Variants in PDE4D observed in about 807,000 individuals in gnomAD.
PDE4D encodes 3',5'-cyclic-AMP phosphodiesterase 4D.
Under a neutral mutation model 87.4 loss-of-function variants are expected in PDE4D, and 24 were observed. The ratio of observed to expected loss-of-function variants is 0.27; its 90% CI spans 0.20 to 0.39. The LOEUF is 0.39. Among genes scored for constraint, PDE4D ranks in the 10% least tolerant of loss-of-function variants. The pLI is 1.00. For missense variants in PDE4D, 714 were observed against 1,041.0 expected (o/e 0.69, Z 4.32); for synonymous variants, 384 against 383.2 (o/e 1.00, Z -0.02).
chr5:60,001,273 C>T (rs1034480254), intron 2 of PDE4D, among the ~76,000 whole-genome samples: 2 of 152,158 alleles, frequency 1.3e-5, no homozygotes, highest in African/African-American at 2.4e-5. Context: ...GACCGAAAGA[C>T]TGTTTGCTTC....
intron 5 of PDE4D, among the ~76,000 whole-genome samples, chr5:59,041,774 G>A (rs1050821932): frequency 1.3e-5 from 2 of 152,156 alleles, no homozygotes; most frequent in African/African-American, 2.4e-5. Context: ...AAGCTGTTCA[G>A]ACTCAGGCTT....
intron 1 of PDE4D, among the ~76,000 whole-genome samples, chr5:60,501,450 G>C (rs904238154): frequency 6.6e-6 from 1 of 151,674 alleles, no homozygotes; most frequent in Non-Finnish European, 1.5e-5. Flanking sequence ...GAATAGAGCC[G>C]CAATAAACAT....
At chr5:59,979,237 G>T (rs1582014885) in intron 3 of PDE4D, among the ~76,000 whole-genome samples, 1 of 152,036 alleles carries the variant, frequency 6.6e-6, no homozygotes, top group Non-Finnish European at 1.5e-5. Context: ...TAAAGAGGGA[G>T]ACCACCCTTG....
intron 6 of PDE4D, among the ~76,000 whole-genome samples, chr5:59,030,068 A>C (rs1757054442): frequency 6.6e-6 from 1 of 152,186 alleles, no homozygotes; most frequent in African/African-American, 2.4e-5. Context: ...ATAAGACCTG[A>C]AACTGTAAAG....
At chr5:60,364,586 A>G (rs1213345981) in intron 1 of PDE4D, among the ~76,000 whole-genome samples, 1 of 152,224 alleles carries the variant, frequency 6.6e-6, no homozygotes, top group African/African-American at 2.4e-5. Flanking sequence ...TTTCTTACAC[A>G]GAATCAGTAA....
intron 5 of PDE4D, among the ~76,000 whole-genome samples, chr5:59,145,257 T>C (rs867018672): frequency 9.2e-5 from 14 of 152,146 alleles, no homozygotes; most frequent in African/African-American, 2.7e-4. Flanking sequence ...TTTTTCTGAA[T>C]TTACCAAGTA....
At chr5:60,081,815 T>C (rs1773987438) in intron 2 of PDE4D, among the ~76,000 whole-genome samples, 1 of 152,164 alleles carries the variant, frequency 6.6e-6, no homozygotes, top group Admixed American at 6.5e-5. Context: ...AGGTCTGCCA[T>C]TAGTCTGATG....
At chr5:60,159,834 C>T (rs1371331480) in intron 2 of PDE4D, among the ~76,000 whole-genome samples, 1 of 152,196 alleles carries the variant, frequency 6.6e-6, no homozygotes, top group African/African-American at 2.4e-5. Context: ...AGAATTTGTT[C>T]ATGATGTTGG....
At chr5:59,811,606 C>T (rs1033769966) in intron 1 of PDE4D, among the ~76,000 whole-genome samples, 7 of 152,248 alleles carry the variant, frequency 4.6e-5, no homozygotes, top group African/African-American at 1.7e-4. Flanking sequence ...GCAGTCATGT[C>T]CCCAGCCTCT....
At chr5:59,144,957 T>G (rs895334727) in intron 5 of PDE4D, among the ~76,000 whole-genome samples, 7 of 151,764 alleles carry the variant, frequency 4.6e-5, no homozygotes, top group Non-Finnish European at 1.0e-4. Context: ...CTTTGTTCTT[T>G]TAAAGGTATG....
chr5:59,519,203 C>T (rs1007215271), intron 1 of PDE4D, among the ~76,000 whole-genome samples: 1 of 152,062 alleles, frequency 6.6e-6, no homozygotes, highest in Non-Finnish European at 1.5e-5. Context: ...ATTCTAGGCA[C>T]AGAGGATACA....
intron 1 of PDE4D, among the ~76,000 whole-genome samples, chr5:59,667,501 G>C (rs1355334857): frequency 2.6e-5 from 4 of 152,000 alleles, no homozygotes; most frequent in African/African-American, 9.7e-5. Flanking sequence ...CTACTTGCAT[G>C]GTCTGCTTGT....
At chr5:60,224,456 C>G (rs1307248996) in intron 1 of PDE4D, among the ~76,000 whole-genome samples, 1 of 152,050 alleles carries the variant, frequency 6.6e-6, no homozygotes, top group Non-Finnish European at 1.5e-5. Context: ...TCCCTTGGGT[C>G]ACTTGGTGGT....
intron 1 of PDE4D, chr5:60,429,897 T>G (rs910236892): frequency 3.5e-4 from 130 of 367,562 alleles, no homozygotes; most frequent in African/African-American, 2.7e-3. Flanking sequence ...ATTTGATGAT[T>G]AGCAGTTAGT....
intron 1 of PDE4D, among the ~76,000 whole-genome samples, chr5:60,312,532 AC>A (rs1755142847): frequency 6.6e-6 from 1 of 152,172 alleles, no homozygotes; most frequent in African/African-American, 2.4e-5. Flanking sequence ...AAAGGCAGGC[AC>A]CTTCTTCACA....
At chr5:60,244,294 T>C (rs1473273350) in intron 1 of PDE4D, among the ~76,000 whole-genome samples, 1 of 151,732 alleles carries the variant, frequency 6.6e-6, no homozygotes, top group East Asian at 1.9e-4. Flanking sequence ...TGCAAGAAAT[T>C]GAAGAGGACA....
chr5:59,741,224 T>G (rs1451154065), intron 1 of PDE4D, among the ~76,000 whole-genome samples: 1 of 152,186 alleles, frequency 6.6e-6, no homozygotes, highest in East Asian at 1.9e-4. Flanking sequence ...TTGGACACTT[T>G]TCTGTGCCAT....
intron 5 of PDE4D, among the ~76,000 whole-genome samples, chr5:59,175,471 C>CTTTTTTTTT (rs563138575): frequency 1.1e-5 from 1 of 91,206 alleles, no homozygotes; most frequent in Non-Finnish European, 2.1e-5. Context: ...ATTTTTCTTT[C>CTTTTTTTTT]TTTTTTTTTT....
At chr5:59,061,085 A>T (rs564978106) in intron 5 of PDE4D, among the ~76,000 whole-genome samples, 1 of 152,236 alleles carries the variant, frequency 6.6e-6, no homozygotes, top group East Asian at 1.9e-4. Context: ...ACAAATGTTC[A>T]TATATTTCTT....
Sources: allele counts gnomAD v4.1 joint callset (sites outside exome capture counted in the v4.1 genomes callset), GRCh38; gene constraint gnomAD v4.1.1; transcripts MANE v1.5; gene names NCBI Gene and HGNC (gene_info 2026-07-23, HGNC 2026-07-21).